The following OPCML variants were observed in gnomAD, a reference collection of about 807,000 sequenced individuals.
OPCML encodes the protein opioid-binding protein/cell adhesion molecule.
In OPCML, 13 loss-of-function variants were observed where a neutral mutation model predicts 37.8. That is an observed-to-expected ratio of 0.34 (90% CI 0.22 to 0.55). The LOEUF is 0.55. Ranked by LOEUF, OPCML falls within the 20% of genes least tolerant of loss-of-function variation. OPCML has a pLI of 0.91. For synonymous variants in OPCML, 176 were observed against 168.8 expected (o/e 1.04, Z -0.33); for missense variants, 341 against 435.6 (o/e 0.78, Z 1.93).
At chr11:132,831,508 C>T (rs926586265) in intron 2 of OPCML, among the ~76,000 whole-genome samples, 1 of 152,142 alleles carries the variant, frequency 6.6e-6, no homozygotes, top group Non-Finnish European at 1.5e-5. Context: ...TCATCAGACA[C>T]ATCAACAGCC....
At chr11:133,125,783 G>GTATATATAGTATATATATAGTA (rs1174615050) in intron 1 of OPCML, among the ~76,000 whole-genome samples, 1 of 95,096 alleles carries the variant, frequency 1.1e-5, no homozygotes, top group African/African-American at 3.8e-5. Flanking sequence ...CATGTATATA[G>GTATATATAGTATATATATAGTA]TATATATACA....
At chr11:132,565,211 T>C in intron 3 of OPCML, among the ~76,000 whole-genome samples, 1 of 152,286 alleles carries the variant, frequency 6.6e-6, no homozygotes, top group East Asian at 1.9e-4. Flanking sequence ...ACTTCCCAGA[T>C]CCTACTCTAA....
At chr11:133,163,936 T>A (rs1950176841) in intron 1 of OPCML, among the ~76,000 whole-genome samples, 1 of 152,200 alleles carries the variant, frequency 6.6e-6, no homozygotes, top group African/African-American at 2.4e-5. Context: ...GTTATGTGGA[T>A]AAATTCTCTC....
chr11:133,067,164 C>T (rs918089481), intron 1 of OPCML: 1 of 152,342 alleles, frequency 6.6e-6, no homozygotes, highest in South Asian at 2.1e-4. Flanking sequence ...CCATACTCAG[C>T]CACACATTCT....
At chr11:133,327,385 A>G (rs1166769534) in intron 1 of OPCML, among the ~76,000 whole-genome samples, 1 of 151,894 alleles carries the variant, frequency 6.6e-6, no homozygotes, top group Non-Finnish European at 1.5e-5. Flanking sequence ...CAGTGTATTT[A>G]CGCTCATTGC....
chr11:133,317,096 G>T (rs1378548889), intron 1 of OPCML, among the ~76,000 whole-genome samples: 2 of 152,190 alleles, frequency 1.3e-5, no homozygotes, highest in Non-Finnish European at 2.9e-5. Context: ...TACTCAAGAG[G>T]CTGAGGCCCA....
intron 1 of OPCML, among the ~76,000 whole-genome samples, chr11:133,180,782 G>A (rs191565072): frequency 3.6e-4 from 53 of 147,634 alleles, no homozygotes; most frequent in Middle Eastern, 7.2e-3. Context: ...CTGGAAAGAC[G>A]TCTGTACTCT....
At chr11:133,187,847 T>C (rs952268854) in intron 1 of OPCML, among the ~76,000 whole-genome samples, 2 of 152,188 alleles carry the variant, frequency 1.3e-5, no homozygotes, top group Admixed American at 6.5e-5. Context: ...AACTGTCACA[T>C]GTTTTTATAT....
intron 1 of OPCML, among the ~76,000 whole-genome samples, chr11:132,965,862 A>C (rs910566432): frequency 3.1e-4 from 47 of 152,074 alleles, no homozygotes; most frequent in African/African-American, 1.1e-3. Context: ...TTTTATTATT[A>C]TTCTTATTTC....
chr11:132,863,526 G>A (rs994432654), intron 2 of OPCML, among the ~76,000 whole-genome samples: 2 of 148,852 alleles, frequency 1.3e-5, no homozygotes, highest in Non-Finnish European at 1.5e-5. Flanking sequence ...CTGTCTCTCA[G>A]TCTTAACCTC....
chr11:133,229,112 C>A (rs1940164747), intron 1 of OPCML, among the ~76,000 whole-genome samples: 1 of 152,092 alleles, frequency 6.6e-6, no homozygotes, highest in East Asian at 1.9e-4. Context: ...ACAGCAAAGG[C>A]CCCCCGGAGA....
chr11:132,793,156 G>A (rs1023229829), intron 2 of OPCML, among the ~76,000 whole-genome samples: 7 of 152,130 alleles, frequency 4.6e-5, no homozygotes, highest in African/African-American at 1.7e-4. Context: ...GGGGACCGAT[G>A]GGGATCTGCT....
At chr11:133,491,682 G>T (rs76973435) in intron 1 of OPCML, among the ~76,000 whole-genome samples, 4,865 of 152,246 alleles carry the variant, frequency 0.032, 274 homozygotes, top group African/African-American at 0.11. Context: ...GATGAGGTTT[G>T]AAATCTTCTC....
At chr11:132,787,358 A>G (rs1298415645) in intron 2 of OPCML, among the ~76,000 whole-genome samples, 1 of 152,198 alleles carries the variant, frequency 6.6e-6, no homozygotes, top group African/African-American at 2.4e-5. Flanking sequence ...GAATGAAGGT[A>G]TTACAGAATT....
intron 2 of OPCML, among the ~76,000 whole-genome samples, chr11:132,714,346 C>G (rs564736364): frequency 6.6e-6 from 1 of 152,268 alleles, no homozygotes; most frequent in African/African-American, 2.4e-5. Context: ...CCACATCAGT[C>G]TGAAAGGTGG....
intron 2 of OPCML, among the ~76,000 whole-genome samples, chr11:132,798,043 C>A (rs539603784): frequency 1.3e-5 from 2 of 152,044 alleles, no homozygotes; most frequent in African/African-American, 4.8e-5. Flanking sequence ...TCAAACCCTG[C>A]TGCTGATTTA....
chr11:132,878,096 C>T (rs535022492), intron 2 of OPCML, among the ~76,000 whole-genome samples: 17 of 151,998 alleles, frequency 1.1e-4, no homozygotes, highest in South Asian at 2.1e-4. Context: ...GTAGGAGAAT[C>T]GCTTGAACCC....
At chr11:133,061,105 G>A (rs772222385) in intron 1 of OPCML, among the ~76,000 whole-genome samples, 4 of 152,224 alleles carry the variant, frequency 2.6e-5, no homozygotes, top group Non-Finnish European at 5.9e-5. Flanking sequence ...GGTTTAAGCA[G>A]TCCTCCTGCC....
At chr11:133,242,403 T>C (rs1401756168) in intron 1 of OPCML, among the ~76,000 whole-genome samples, 1 of 152,150 alleles carries the variant, frequency 6.6e-6, no homozygotes. Flanking sequence ...CCTCAGACGG[T>C]GTGGCTTAAA....
Sources: gnomAD v4.1 joint callset for allele counts (sites outside exome capture counted in the v4.1 genomes callset) on GRCh38, gnomAD v4.1.1 for gene constraint, MANE v1.5 for transcripts, NCBI Gene and HGNC (gene_info 2026-07-23, HGNC 2026-07-21) for gene names.